The following GNPTAB variants were observed in gnomAD, a reference collection of about 807,000 sequenced individuals.
GNPTAB encodes N-acetylglucosamine-1-phosphotransferase subunits alpha/beta.
Under a neutral mutation model 136.6 loss-of-function variants are expected in GNPTAB, and 92 were observed. That is an observed-to-expected ratio of 0.67 (90% confidence interval 0.57 to 0.80). The LOEUF is 0.80. GNPTAB is among the 30% of genes least tolerant of loss of function. GNPTAB has a pLI of 0.00. For synonymous variants in GNPTAB, 512 were observed against 535.1 expected (o/e 0.96, Z 0.60); for missense variants, 1,343 against 1,501.8 (o/e 0.89, Z 1.75).
At chr12:101,792,702 G>C (rs1869058789) in intron 2 of GNPTAB, among the ~76,000 whole-genome samples, 1 of 151,804 alleles carries the variant, frequency 6.6e-6, no homozygotes, top group Non-Finnish European at 1.5e-5. Context: ...ACACTACTTT[G>C]AACTGTAAGG....
intron 1 of GNPTAB, among the ~76,000 whole-genome samples, chr12:101,813,938 G>T (rs2137178437): frequency 1.3e-5 from 2 of 152,256 alleles, no homozygotes; most frequent in East Asian, 1.9e-4. Context: ...AATTAGCCAG[G>T]TGTGGTGGCA....
chr12:101,791,445 A>G (rs1365413588), intron 2 of GNPTAB, among the ~76,000 whole-genome samples: 1 of 151,322 alleles, frequency 6.6e-6, no homozygotes, highest in East Asian at 1.9e-4. Context: ...CTAACACTAA[A>G]GATAGTTGAT....
At chr12:101,754,519 G>C (rs959339948) in intron 18 of GNPTAB, among the ~76,000 whole-genome samples, 2 of 152,026 alleles carry the variant, frequency 1.3e-5, no homozygotes, top group Non-Finnish European at 2.9e-5. Flanking sequence ...TTGAGAGAGA[G>C]AGACAGTGCC....
At chr12:101,806,300 C>T (rs1869930189) in intron 1 of GNPTAB, among the ~76,000 whole-genome samples, 2 of 152,166 alleles carry the variant, frequency 1.3e-5, no homozygotes, top group Non-Finnish European at 2.9e-5. Context: ...GCCAAAATAA[C>T]AACAAGAAAC....
intron 7 of GNPTAB, among the ~76,000 whole-genome samples, chr12:101,774,310 C>T (rs1479776666): frequency 6.6e-6 from 1 of 152,144 alleles, no homozygotes; most frequent in Non-Finnish European, 1.5e-5. Context: ...TGGTATATTT[C>T]TAAAGACAAC....
At chr12:101,766,493 C>T (rs554835606) in intron 11 of GNPTAB, among the ~76,000 whole-genome samples, 199 bp from the exon 12 acceptor site, 1 of 152,240 alleles carries the variant, frequency 6.6e-6, no homozygotes, top group Admixed American at 6.5e-5. Flanking sequence ...CAAAAATTAG[C>T]TGGGCGTGGT....
intron 1 of GNPTAB, chr12:101,810,422 TACACACAC>T (rs1246778200): frequency 1.1e-5 from 1 of 94,436 alleles, no homozygotes; most frequent in Non-Finnish European, 2.1e-5. Context: ...TATATATATA[TACACACAC>T]ATACACACAC....
intron 16 of GNPTAB, among the ~76,000 whole-genome samples, chr12:101,759,286 C>A (rs1029641004): frequency 6.6e-6 from 1 of 150,904 alleles, no homozygotes; most frequent in Non-Finnish European, 1.5e-5. Flanking sequence ...TGGCGTGAAC[C>A]CGGAAGGCGG....
chr12:101,801,819 G>A (rs1869654687), intron 1 of GNPTAB, among the ~76,000 whole-genome samples: 1 of 152,014 alleles, frequency 6.6e-6, no homozygotes, highest in Admixed American at 6.6e-5. Flanking sequence ...AAGAAGGGAG[G>A]ATCGATTGAA....
At chr12:101,781,311 G>A (rs1260420874) in intron 5 of GNPTAB, among the ~76,000 whole-genome samples, 1 of 152,142 alleles carries the variant, frequency 6.6e-6, no homozygotes, top group Non-Finnish European at 1.5e-5. Flanking sequence ...AAACAAAGAA[G>A]GCAGGTTCTC....
intron 1 of GNPTAB, among the ~76,000 whole-genome samples, chr12:101,818,376 CTT>C (rs11347749): frequency 0.011 from 1,495 of 132,560 alleles, 25 homozygotes; most frequent in African/African-American, 0.037. Context: ...ATATTTGTGT[CTT>C]TTTTTTTTTT....
At chr12:101,772,407 T>C (rs962089318) in intron 7 of GNPTAB, among the ~76,000 whole-genome samples, 3 of 152,224 alleles carry the variant, frequency 2.0e-5, no homozygotes, top group African/African-American at 7.2e-5. Context: ...TTCCTGAGCG[T>C]ATGTAGTCCA....
At chr12:101,826,950 G>GTGTT in intron 1 of GNPTAB, among the ~76,000 whole-genome samples, 1 of 62,356 alleles carries the variant, frequency 1.6e-5, no homozygotes, top group Non-Finnish European at 3.0e-5. Context: ...TGTGGGAGTT[G>GTGTT]TTTTTTTTTT....
At position 101,771,141 on chromosome 12, in the gene GNPTAB, T is replaced by C. The variant is rs1192356203; in HGVS notation, c.788A>G (p.Glu263Gly). 4 of 1,613,768 alleles carry C rather than the reference T, an allele frequency of 2.5e-6. No homozygotes were observed. Among genetic ancestry groups the C allele is most frequent in the Non-Finnish European group, 3.4e-6 (4 of 1,179,668 alleles). Residue 263 changes from glutamate to glycine, a missense_variant, in exon 8 of 21, where the codon GAG becomes GGG. By Grantham distance (98) the Glu-to-Gly change is moderately conservative. Transcript: ENST00000299314. ...SKVKLLQLYS[E>G]ASVALLKLNN... ...CAGTTTTAGAAGCGCTACACTGGCCTCTGAATACAACTGCAACTATCAAAT... is the reference window on the plus strand; with the variant it reads ...CAGTTTTAGAAGCGCTACACTGGCCCCTGAATACAACTGCAACTATCAAAT...
At chr12:101,811,564 C>T (rs778781381) in intron 1 of GNPTAB, among the ~76,000 whole-genome samples, 10 of 150,152 alleles carry the variant, frequency 6.7e-5, no homozygotes, top group South Asian at 4.2e-4. Context: ...TGGCAGAAGG[C>T]GAAGGTGAAA....
At position 101,790,144 on chromosome 12, in the gene GNPTAB, A is replaced by T. The variant is rs1403863654; in HGVS notation, c.204-87T>A. The stretch of plus-strand genomic sequence containing the variant: ...AATATCACAGGGTTTAAACCCAGAG[A>T]TTATGAAAAAAATCTCTGAAGAAGT... On this transcript the variant is annotated intron_variant, in intron 2 of 20. Transcript: ENST00000299314. 4 of 1,576,170 alleles carry T rather than the reference A, an allele frequency of 2.5e-6. No individual in the cohort carries two copies. In the African/African-American group the frequency reaches 5.4e-5, roughly 21 times the overall value.
intron 19 of GNPTAB, among the ~76,000 whole-genome samples, chr12:101,752,235 C>A (rs376413878): frequency 3.9e-5 from 6 of 152,084 alleles, no homozygotes; most frequent in African/African-American, 1.2e-4. Context: ...ACCAGCCTGG[C>A]CAACCTGGCA....
chr12:101,798,855 C>T (rs1417967408), intron 1 of GNPTAB, among the ~76,000 whole-genome samples: 1 of 152,030 alleles, frequency 6.6e-6, no homozygotes, highest in Non-Finnish European at 1.5e-5. Context: ...AGTGCAATAC[C>T]GTAAACTGCG....
At position 101,789,464 on chromosome 12, in the gene GNPTAB, CTA is replaced by C. The variant is rs61356462; in HGVS notation, c.323+472_323+473del. On this transcript the variant is annotated intron_variant, in intron 3 of 20. Coordinates refer to ENST00000299314, the MANE Select transcript of GNPTAB (RefSeq NM_024312.5). ...TGCATGCTTACTTGTACCCACAGGACTATGTGTTTTGTTTTGTTCTCTTTTCT... is the reference window on the plus strand; with the variant it reads ...TGCATGCTTACTTGTACCCACAGGACTGTGTTTTGTTTTGTTCTCTTTTCT... Among the ~76,000 whole-genome samples, 3,389 of 152,054 alleles carry C rather than the reference CTA, an allele frequency of 0.022. 338 individuals are homozygous for C. The East Asian group carries it at 0.31, about 14-fold the overall frequency.
Sources: allele counts gnomAD v4.1 joint callset (sites outside exome capture counted in the v4.1 genomes callset), GRCh38; gene constraint gnomAD v4.1.1; transcripts MANE v1.5; gene names NCBI Gene and HGNC (gene_info 2026-07-23, HGNC 2026-07-21).